The following LONP1 variants were observed in gnomAD, a reference collection of about 807,000 sequenced individuals.
LONP1 encodes lon protease homolog, mitochondrial.
In LONP1, 31 loss-of-function variants were observed where a neutral mutation model predicts 98.5. The ratio of observed to expected loss-of-function variants is 0.31; its 90% confidence interval spans 0.24 to 0.42. The LOEUF (loss-of-function observed/expected upper bound fraction) is 0.42. Ranked by LOEUF, LONP1 falls within the 20% of genes least tolerant of loss-of-function variation. The pLI, the probability that LONP1 is intolerant of heterozygous loss-of-function variation, is 1.00. For synonymous variants in LONP1, 781 were observed against 594.7 expected (o/e 1.31, Z -4.56); for missense variants, 1,336 against 1,350.6 (o/e 0.99, Z 0.17).
At chr19:5,707,984 A>G (rs1369070208) in intron 5 of LONP1, 158 bp from the exon 6 acceptor site, 3 of 831,592 alleles carry the variant, frequency 3.6e-6, no homozygotes, top group Middle Eastern at 3.7e-4. Flanking sequence ...CTTGTTCTCC[A>G]GAGTTCAGGG....
upstream of LONP1, chr19:5,720,158 C>A: frequency 1.4e-6 from 2 of 1,389,748 alleles, no homozygotes; most frequent in Non-Finnish European, 1.9e-6. Context: ...GCGGCTCACA[C>A]AACTCGCGTC....
chr19:5,693,588 G>A lies in LONP1; in HGVS notation c.2502C>T (p.Tyr834=). 1 of 1,614,130 alleles carries A rather than the reference G, an allele frequency of 6.2e-7. No individual in the cohort carries two copies. Among genetic ancestry groups the A allele is most frequent in the Non-Finnish European group, 8.5e-7 (1 of 1,179,994 alleles). The change falls in exon 16 of 18, where the codon TAC becomes TAT. Residue 834 remains tyrosine (Y), a synonymous_variant. Transcript: ENST00000360614. ...GCAGGTGGATGTGTGAGGTCACCAGGTAGTCATTGGCGGGGGCGTGCTGCA... is the reference window on the plus strand; with the variant it reads ...GCAGGTGGATGTGTGAGGTCACCAGATAGTCATTGGCGGGGGCGTGCTGCA... ...FLMQHAPAND[Y]LVTSHIHLHV... is the part of the protein sequence containing the mutation.
In LONP1 at chr19:5,712,997, T is replaced by G. The variant is rs893694297; in HGVS notation, c.638+137A>C. ...GACATGTCTCACTCTCACCCCCAGC[T>G]CTGGCCTCAGTGCTAGTGAGAAAGC... On this transcript the variant is annotated intron_variant, in intron 3 of 17. Transcript: ENST00000360614. 8.5e-6 allele frequency: 10 copies of G among 1,179,226 alleles called. No homozygotes were observed. In the East Asian group the frequency reaches 2.4e-4, roughly 28 times the overall value. 73.0% of individuals were successfully genotyped at this position (1,179,226 alleles called of 1,614,324 possible). A position where few individuals can be genotyped will look rare whatever the true frequency, so the allele number is the denominator to read the frequency against.
chr19:5,698,191 G>A (rs572194018), intron 10 of LONP1, among the ~76,000 whole-genome samples: 16 of 152,162 alleles, frequency 1.1e-4, no homozygotes, highest in South Asian at 6.2e-4. Flanking sequence ...GACACTGCGC[G>A]GGCCAGCATG....
chr19:5,704,546 T>TGCCCC (rs2055112746), intron 8 of LONP1, among the ~76,000 whole-genome samples: 2 of 152,208 alleles, frequency 1.3e-5, no homozygotes, highest in African/African-American at 4.8e-5. Flanking sequence ...TGCCCAGCCC[T>TGCCCC]GCCCCGGGGA....
intron 17 of LONP1, among the ~76,000 whole-genome samples, chr19:5,692,964 G>A (rs887715588): frequency 3.9e-5 from 6 of 151,942 alleles, no homozygotes; most frequent in African/African-American, 1.4e-4. Context: ...CTGGCCAGGG[G>A]CTCCAAACAC....
chr19:5,697,633 G>A (rs371086714), intron 10 of LONP1, among the ~76,000 whole-genome samples: 10 of 151,618 alleles, frequency 6.6e-5, no homozygotes, highest in East Asian at 3.9e-4. Context: ...GGGGTCCTGT[G>A]GGCTGCAGTG....
chr19:5,709,119 A>T (rs1381668101), intron 4 of LONP1, among the ~76,000 whole-genome samples: 1 of 151,400 alleles, frequency 6.6e-6, no homozygotes, highest in Admixed American at 6.6e-5. Context: ...GGCTCAAGCG[A>T]TCCTCCCCGC....
rs1010655337 is a variant in LONP1 at position 5,719,580 on chromosome 19, C to A, written c.429+124G>T. On this transcript the variant is annotated intron_variant, in intron 1 of 17. Coordinates refer to ENST00000360614, the MANE Select transcript of LONP1 (RefSeq NM_004793.4). Reference sequence around the variant, plus strand: ...GGTGAGCAGACAAGGATTCGAACTGCACCCTTCGAGAAACTTCATGTCTGA... The same window carrying A: ...GGTGAGCAGACAAGGATTCGAACTGAACCCTTCGAGAAACTTCATGTCTGA... 5 of 1,526,272 alleles carry A rather than the reference C, an allele frequency of 3.3e-6. No homozygotes were observed. In the African/African-American group the frequency reaches 6.9e-5, roughly 21 times the overall value. The allele number at this position is 1,526,272 out of a possible 1,614,324, so 94.5% of individuals were successfully genotyped here.
rs778408092 is a variant in LONP1, at chr19:5,707,122, C to T, written c.1084G>A (p.Ala362Thr). 1 of 1,613,150 alleles carries T rather than the reference C, an allele frequency of 6.2e-7. No homozygotes were observed. Among genetic ancestry groups the T allele is most frequent in the African/African-American group, 1.3e-5 (1 of 75,062 alleles). Residue 362 changes from alanine to threonine, a missense_variant, in exon 7 of 18, where the codon GCC becomes ACC. By Grantham distance (58) the Ala-to-Thr change is moderately conservative. Coordinates refer to ENST00000360614, the MANE Select transcript of LONP1 (RefSeq NM_004793.4). ...AATTCCTTCTTCAGCAGGGAGAGGG[C>T]CTTGTACAGCCGCTTAGGAATCTGC... ...ETNIPKRLYK[A>T]LSLLKKEFEL...
rs756785931 is a variant in LONP1 at position 5,720,002 on chromosome 19, C to A, written c.131G>T (p.Arg44Leu). The A allele has an allele frequency of 1.3e-6, 2 of 1,577,166 alleles. No homozygotes were observed. Among genetic ancestry groups the A allele is most frequent in the Non-Finnish European group, 1.7e-6 (2 of 1,164,078 alleles). Reference sequence around the variant, plus strand: ...CCAAGGAGGAGAGGCGTCGCAGGTCCGCTGGCCTCGGAGCAACCACGCTCC... The same window carrying A: ...CCAAGGAGGAGAGGCGTCGCAGGTCAGCTGGCCTCGGAGCAACCACGCTCC... ...AAGAWLLRGQ[R>L]TCDASPPWAL... Residue 44 changes from arginine to leucine, a missense_variant, in exon 1 of 18, where the codon CGG (arginine) becomes CTG (leucine). Physicochemically the swap from Arg to Leu is moderately radical, Grantham distance 102. Transcript: ENST00000360614.
In LONP1 at chr19:5,711,879, G is replaced by A. The variant is rs780991889; in HGVS notation, c.762C>T (p.His254=). The change falls in exon 4 of 18, where the codon CAC becomes CAT. Residue 254 remains histidine, a synonymous_variant. Transcript: ENST00000360614. The stretch of plus-strand genomic sequence containing the variant: ...TGGGCTCCATCGCCAGCTCCGCCGG[G>A]TGCCTGGCGCTCAGCTCGTCCTCCG... ...KEAEDELSAR[H]PAELAMEPTP... 11 of 1,612,856 alleles carry A rather than the reference G, an allele frequency of 6.8e-6. No individual in the cohort carries two copies. The Admixed American group carries it at 1.0e-4, about 15-fold the overall frequency.
intron 1 of LONP1, among the ~76,000 whole-genome samples, chr19:5,717,879 T>TTTTC (rs1366573819): frequency 5.3e-4 from 78 of 147,820 alleles, no homozygotes; most frequent in Middle Eastern, 3.5e-3. Flanking sequence ...TGTGCCCGGC[T>TTTTC]TTTCTTTCTT....
chr19:5,693,723 G>A lies in LONP1; in HGVS notation c.2367C>T (p.Asp789=), dbSNP rs766428682. 1.5e-5 allele frequency: 24 copies of A among 1,613,956 alleles called. No homozygotes were observed. In the African/African-American group the frequency reaches 1.9e-4, roughly 13 times the overall value. The change falls in exon 16 of 18, where the codon GAC becomes GAT. Residue 789 remains aspartate, a synonymous_variant. Transcript: ENST00000360614. The part of the protein sequence containing the change: ...FVETSLRRPQ[D]KDAKGDKDGS... ...CATCCTTGTCACCCTTGGCATCCTT[G>A]TCCTGTGGCCGTCTCAGGGATGTCT...
chr19:5,708,552 G>A, intron 4 of LONP1, 149 bp from the exon 5 acceptor site: 1 of 374,206 alleles, frequency 2.7e-6, no homozygotes, highest in Non-Finnish European at 5.4e-6. Flanking sequence ...CGGCCTGGGA[G>A]ATGGAGGAGT....
intron 10 of LONP1, 89 bp from the exon 11 acceptor site, chr19:5,696,846 G>A (rs1202302349): frequency 3.8e-6 from 3 of 783,434 alleles, no homozygotes; most frequent in African/African-American, 1.7e-5. Flanking sequence ...CAGGGGAGAG[G>A]CCACCTGGAG....
chr19:5,695,980 CACGGCCTCT>C (rs1388291021), intron 13 of LONP1, 65 bp downstream of exon 13: 2 of 1,370,720 alleles, frequency 1.5e-6, no homozygotes, highest in African/African-American at 1.4e-5. Flanking sequence ...CTCCCAGAGG[CACGGCCTCT>C]GCAGGCTCTG....
intron 3 of LONP1, 88 bp from the exon 4 acceptor site, chr19:5,712,090 A>G (rs1412894779): frequency 1.8e-6 from 2 of 1,131,564 alleles, no homozygotes; most frequent in African/African-American, 1.5e-5. Context: ...CAGGTGGTCC[A>G]AGGGTCCCGC....
Position 5,707,097 on chromosome 19 carries a change from A to C in LONP1, c.1109T>G (p.Phe370Cys). 1 of 1,613,058 alleles carries C rather than the reference A, an allele frequency of 6.2e-7. No individual in the cohort carries two copies. ...YKALSLLKKE[F>C]ELSKLQQRLG... ...GCGCTGCTGCAGCTTGCTCAGTTCA[A>C]ATTCCTTCTTCAGCAGGGAGAGGGC... The change falls in exon 7 of 18, where the codon TTT becomes TGT. Residue 370 changes from phenylalanine (F) to cysteine (C), a missense_variant. By Grantham distance (205) the Phe-to-Cys change is radical (BLOSUM62 -2). Transcript: ENST00000360614.
Sources: allele counts gnomAD v4.1 joint callset (sites outside exome capture counted in the v4.1 genomes callset), GRCh38; gene constraint gnomAD v4.1.1; transcripts MANE v1.5; gene names NCBI Gene and HGNC (gene_info 2026-07-23, HGNC 2026-07-21).